The following PTPN2 variants were observed in gnomAD, a reference collection of about 807,000 sequenced individuals.
PTPN2 encodes protein tyrosine phosphatase non-receptor type 2.
Under a neutral mutation model 57.3 loss-of-function variants are expected in PTPN2, and 19 were observed. The observed-to-expected ratio is 0.33, with a 90% CI of 0.23 to 0.49. PTPN2 has a LOEUF of 0.49. Among genes scored for constraint, PTPN2 ranks in the 20% least tolerant of loss-of-function variants. The probability of loss-of-function intolerance (pLI) is 0.99; values close to 1 mark genes in which losing one functional copy is unlikely to be tolerated. For missense variants in PTPN2, 358 were observed against 501.1 expected (o/e 0.71, Z 2.73); for synonymous variants, 153 against 164.9 (o/e 0.93, Z 0.55).
Position 12,857,279 on chromosome 18 carries a change from A to T in PTPN2, c.160+1885T>A, listed in dbSNP as rs145738917. 2.0e-5 allele frequency among the ~76,000 whole-genome samples: 3 copies of T among 151,918 alleles called. No individual in the cohort carries two copies. In the East Asian group the frequency reaches 5.8e-4, roughly 30 times the overall value. On this transcript the variant is annotated intron_variant, in intron 2 of 8. Coordinates refer to ENST00000309660, the MANE Select transcript of PTPN2 (RefSeq NM_002828.4). The stretch of plus-strand genomic sequence containing the variant: ...GGGAATGCTCCACTGGTTTGCATCT[A>T]GACTGTGGTGGTGATTCCAGGAATC...
chr18:12,883,159 C>T (rs889979153), intron 1 of PTPN2, among the ~76,000 whole-genome samples: 1 of 152,168 alleles, frequency 6.6e-6, no homozygotes, highest in Non-Finnish European at 1.5e-5. Flanking sequence ...CAAGGAAAGG[C>T]TATTTTGATT....
Position 12,884,103 on chromosome 18 carries a change from A to G in PTPN2, c.39T>C (p.Asp13=). Residue 13 remains aspartate (D), a synonymous_variant, in exon 1 of 9, where the codon GAT becomes GAC. Coordinates refer to ENST00000309660, the MANE Select transcript of PTPN2 (RefSeq NM_002828.4). The part of the protein sequence containing the change: ...TTIEREFEEL[D]TQRRWQPLYL... ...ACAGCGGCTGCCAGCGACGCTGAGTATCCAACTCTTCGAACTCCCGCTCGA... is the reference window on the plus strand; with the variant it reads ...ACAGCGGCTGCCAGCGACGCTGAGTGTCCAACTCTTCGAACTCCCGCTCGA... The G allele has an allele frequency of 6.3e-7, 1 of 1,587,822 alleles. No homozygotes were observed.
intron 7 of PTPN2, among the ~76,000 whole-genome samples, chr18:12,802,493 G>A (rs2041467589): frequency 6.6e-6 from 1 of 152,066 alleles, no homozygotes; most frequent in African/African-American, 2.4e-5. Context: ...TTTAATATTG[G>A]TAGCCAGATC....
intron 2 of PTPN2, among the ~76,000 whole-genome samples, chr18:12,853,472 T>C (rs183679443): frequency 3.8e-4 from 58 of 152,216 alleles, no homozygotes; most frequent in African/African-American, 1.3e-3. Flanking sequence ...ATAATGACTA[T>C]CAGTTGGAAA....
At chr18:12,850,299 T>G (rs2043350045) in intron 2 of PTPN2, among the ~76,000 whole-genome samples, 1 of 152,084 alleles carries the variant, frequency 6.6e-6, no homozygotes, top group African/African-American at 2.4e-5. Context: ...GAGACCAGCC[T>G]GGCCAACACA....
chr18:12,832,407 G>A (rs1568125689), intron 3 of PTPN2, among the ~76,000 whole-genome samples: 1 of 152,072 alleles, frequency 6.6e-6, no homozygotes, highest in Non-Finnish European at 1.5e-5. Context: ...ATCAGCCATG[G>A]TGCCCAGCTG....
chr18:12,846,470 T>C (rs1327801620), intron 2 of PTPN2, among the ~76,000 whole-genome samples: 2 of 152,228 alleles, frequency 1.3e-5, no homozygotes, highest in African/African-American at 2.4e-5. Flanking sequence ...CAATAGGTTG[T>C]AACCATTATT....
chr18:12,823,701 T>C (rs1426516766), intron 5 of PTPN2, among the ~76,000 whole-genome samples: 1 of 152,102 alleles, frequency 6.6e-6, no homozygotes, highest in Non-Finnish European at 1.5e-5. Context: ...GGAGAACTAA[T>C]GAGATCAGTC....
downstream of PTPN2, among the ~76,000 whole-genome samples, chr18:12,790,727 A>G (rs2040962143): frequency 6.6e-6 from 1 of 152,246 alleles, no homozygotes; most frequent in Non-Finnish European, 1.5e-5. Context: ...TTAAACCAAT[A>G]CACATTTTTC....
At chr18:12,857,313 A>G (rs909680891) in intron 2 of PTPN2, among the ~76,000 whole-genome samples, 2 of 152,116 alleles carry the variant, frequency 1.3e-5, no homozygotes, top group African/African-American at 4.8e-5. Flanking sequence ...TCTACACGTG[A>G]TAAAACTGCA....
intron 1 of PTPN2, among the ~76,000 whole-genome samples, chr18:12,874,875 G>T (rs1242711042): frequency 6.6e-6 from 1 of 152,354 alleles, no homozygotes; most frequent in African/African-American, 2.4e-5. Flanking sequence ...GCAGGGAAAG[G>T]TGGGGAAAAG....
chr18:12,801,828 C>A (rs753039336), intron 8 of PTPN2, 142 bp downstream of exon 8: 2 of 842,346 alleles, frequency 2.4e-6, no homozygotes, highest in South Asian at 1.7e-5. Context: ...CTTGGCCTCC[C>A]AAAGTGTTGA....
intron 1 of PTPN2, among the ~76,000 whole-genome samples, chr18:12,873,857 G>A (rs550137026): frequency 0.012 from 1,824 of 152,008 alleles, 13 homozygotes; most frequent in Middle Eastern, 0.034. Flanking sequence ...GTCTCTGCCC[G>A]GCTGCCCATC....
At chr18:12,849,689 T>C (rs1598845535) in intron 2 of PTPN2, among the ~76,000 whole-genome samples, 1 of 152,340 alleles carries the variant, frequency 6.6e-6, no homozygotes, top group African/African-American at 2.4e-5. Flanking sequence ...TGCTAATCCT[T>C]TGTTAGGATT....
At chr18:12,814,180 T>C (rs534192221) in intron 7 of PTPN2, 23 bp downstream of exon 7, 19 of 1,516,452 alleles carry the variant, frequency 1.3e-5, no homozygotes, top group Admixed American at 3.7e-5. Flanking sequence ...ATAGATATGA[T>C]TTAAAACCTG....
At chr18:12,821,180 AGTTCTGTCATCT>A (rs2042257842) in intron 5 of PTPN2, among the ~76,000 whole-genome samples, 1 of 151,976 alleles carries the variant, frequency 6.6e-6, no homozygotes, top group Non-Finnish European at 1.5e-5. Flanking sequence ...ACTAAGCCCC[AGTTCTGTCATCT>A]GTAAATAGGG....
downstream of PTPN2, among the ~76,000 whole-genome samples, chr18:12,791,830 G>A (rs927302420): frequency 7.2e-5 from 11 of 152,244 alleles, no homozygotes; most frequent in African/African-American, 2.6e-4. Flanking sequence ...CATTCAGCCA[G>A]CTGAGGGGTG....
At chr18:12,853,022 C>T (rs1357998787) in intron 2 of PTPN2, among the ~76,000 whole-genome samples, 1 of 152,196 alleles carries the variant, frequency 6.6e-6, no homozygotes, top group South Asian at 2.1e-4. Flanking sequence ...CTGTAACATG[C>T]TTATGTGTTA....
downstream of PTPN2, among the ~76,000 whole-genome samples, chr18:12,791,276 A>G (rs2040977156): frequency 6.6e-6 from 1 of 152,236 alleles, no homozygotes; most frequent in Non-Finnish European, 1.5e-5. Flanking sequence ...GTGGAAATGA[A>G]CTAGATATGA....
Sources: allele counts gnomAD v4.1 joint callset (sites outside exome capture counted in the v4.1 genomes callset), GRCh38; gene constraint gnomAD v4.1.1; transcripts MANE v1.5; gene names NCBI Gene and HGNC (gene_info 2026-07-23, HGNC 2026-07-21).